USP18: variants seen among roughly 807,000 people sequenced by gnomAD.
USP18 encodes the protein ubl carboxyl-terminal hydrolase 18.
USP18 carries 11 observed loss-of-function variants against 48.7 expected under a neutral mutation model. The ratio of observed to expected loss-of-function variants is 0.23; its 90% CI spans 0.14 to 0.37. The LOEUF (loss-of-function observed/expected upper bound fraction) is 0.37, where lower values mean the gene tolerates loss of function less well. Ranked by LOEUF, USP18 falls within the 10% of genes least tolerant of loss-of-function variation. The pLI is 1.00. For missense variants in USP18, 285 were observed against 436.4 expected, an observed-to-expected ratio of 0.65 and a Z score of 3.09; for synonymous variants, 114 against 163.2, an observed-to-expected ratio of 0.70 and a Z score of 2.30.
chr22:18,173,063 G>T (rs1289666634), intron 8 of USP18, 87 bp from the exon 9 acceptor site: 24 of 1,595,128 alleles, frequency 1.5e-5, no homozygotes, highest in Non-Finnish European at 1.5e-5. Flanking sequence ...AAGTCCCAGA[G>T]TCGGGCCTAG....
chr22:18,172,157 A>G (rs1458388657), intron 8 of USP18, among the ~76,000 whole-genome samples: 1 of 152,216 alleles, frequency 6.6e-6, no homozygotes, highest in East Asian at 1.9e-4. Context: ...CAAAGTGTGT[A>G]GTGAAGGAAG....
chr22:18,165,886 A>G (rs968242037), intron 4 of USP18, among the ~76,000 whole-genome samples: 5 of 151,066 alleles, frequency 3.3e-5, no homozygotes, highest in East Asian at 2.0e-4. Flanking sequence ...GAAAACCGCC[A>G]TTGCTCACTC....
intron 4 of USP18, among the ~76,000 whole-genome samples, chr22:18,163,486 A>G (rs1427479847): frequency 3.9e-5 from 6 of 152,016 alleles, no homozygotes; most frequent in Admixed American, 3.9e-4. Flanking sequence ...TACTAAAAAT[A>G]CAAAAAATTA....
rs759962659 is a variant in USP18, at chr22:18,157,831, C to T, written c.157+11C>T. The T allele has an allele frequency of 1.2e-5, 20 of 1,613,730 alleles. No homozygotes were observed. The highest frequency in any genetic ancestry group is 5.5e-5 in the South Asian group (5 of 91,040). On this transcript the variant is annotated intron_variant, in intron 2 of 10. Coordinates refer to ENST00000215794, the MANE Select transcript of USP18 (RefSeq NM_017414.4). ...GGGACTACCCTCATGGTCATTAGACCCCTCCCGTTTTCCTCTTCTTGACTG... is the reference window on the plus strand; with the variant it reads ...GGGACTACCCTCATGGTCATTAGACTCCTCCCGTTTTCCTCTTCTTGACTG...
chr22:18,168,744 A>G (rs1177386511), intron 6 of USP18, among the ~76,000 whole-genome samples: 2 of 151,994 alleles, frequency 1.3e-5, no homozygotes, highest in Non-Finnish European at 2.9e-5. Context: ...TTCAGTTTCA[A>G]CCTGGGTTTT....
chr22:18,172,000 G>C (rs924317877), intron 8 of USP18, among the ~76,000 whole-genome samples: 12 of 152,146 alleles, frequency 7.9e-5, no homozygotes, highest in African/African-American at 2.4e-4. Flanking sequence ...ACTGGATGCA[G>C]TGGGTCACGC....
At chr22:18,160,405 A>G in intron 3 of USP18, 137 bp downstream of exon 3, 1 of 978,228 alleles carries the variant, frequency 1.0e-6, no homozygotes, top group South Asian at 1.5e-5. Flanking sequence ...TCCCGGGTTC[A>G]AGCGATTCTC....
intron 3 of USP18, among the ~76,000 whole-genome samples, chr22:18,160,582 G>A (rs1463017361): frequency 6.6e-6 from 1 of 152,044 alleles, no homozygotes; most frequent in Non-Finnish European, 1.5e-5. Context: ...AATTATAGGC[G>A]TAAGCCACTG....
At chr22:18,153,992 T>A (rs772864370) in intron 1 of USP18, among the ~76,000 whole-genome samples, 6 of 151,842 alleles carry the variant, frequency 4.0e-5, no homozygotes, top group African/African-American at 7.3e-5. Flanking sequence ...TGATTCCGTA[T>A]CTCGGGTATT....
intron 4 of USP18, among the ~76,000 whole-genome samples, chr22:18,165,537 C>T (rs1487500001): frequency 7.8e-6 from 1 of 127,730 alleles, no homozygotes; most frequent in African/African-American, 3.0e-5. Flanking sequence ...TTCCTGTTAG[C>T]CCTTTAGAAA....
In USP18 at chr22:18,157,573, T is replaced by G; in HGVS notation, c.-91T>G. The G allele has an allele frequency of 6.5e-7, 1 of 1,539,336 alleles. No homozygotes were observed. The highest frequency in any genetic ancestry group is 2.3e-5 in the East Asian group (1 of 44,210). Reference sequence around the variant, plus strand: ...ATTTTCACAGAGATTCCATCGTGCCTGGCTCACATAAGCGCTTCCTGGAAG... The same window carrying G: ...ATTTTCACAGAGATTCCATCGTGCCGGGCTCACATAAGCGCTTCCTGGAAG... On this transcript the variant is annotated 5_prime_UTR_variant, in exon 2 of 11. Transcript: ENST00000215794.
In USP18 at chr22:18,167,960, A is replaced by G. The variant is rs1929524953; in HGVS notation, c.551A>G (p.Glu184Gly). ...DSLICVDCAM[E>G]SSRNSSMLTL... ...TTGATTTGCGTTGACTGTGCCATGGAGAGTAGCAGAAACAGCAGCATGCTC... is the reference window on the plus strand; with the variant it reads ...TTGATTTGCGTTGACTGTGCCATGGGGAGTAGCAGAAACAGCAGCATGCTC... Residue 184 changes from glutamate to glycine, a missense_variant, in exon 6 of 11, where the codon GAG becomes GGG. Glu to Gly is a moderately conservative substitution (Grantham distance 98). This residue lies in a region of USP18 where 199 missense variants were observed against 239.6 expected (regional missense o/e 0.83). Coordinates refer to ENST00000215794, the MANE Select transcript of USP18 (RefSeq NM_017414.4). The G allele has an allele frequency of 6.2e-7, 1 of 1,613,896 alleles. No homozygotes were observed. The highest frequency in any genetic ancestry group is 1.7e-5 in the Admixed American group (1 of 60,000).
At chr22:18,173,928 T>G in intron 10 of USP18, 86 bp downstream of exon 10, 1 of 1,501,780 alleles carries the variant, frequency 6.7e-7, no homozygotes, top group East Asian at 2.4e-5. Flanking sequence ...ATTCCCCTGT[T>G]ACTAACATGC....
rs769160740 is a variant in USP18 at position 18,157,793 on chromosome 22, C to A, written c.130C>A (p.Arg44Ser). 2.5e-6 allele frequency: 4 copies of A among 1,613,980 alleles called. No homozygotes were observed. Among genetic ancestry groups the A allele is most frequent in the Admixed American group, 1.7e-5 (1 of 59,994 alleles). ...CATGAAGAGAGAGCAGCCCAGAGAG[C>A]GTCCCAGGGCCTGGGACTACCCTCA... is the stretch of plus-strand genomic sequence containing the variant. ...SNMKREQPRE[R>S]PRAWDYPHGL... The change falls in exon 2 of 11, where the codon CGT becomes AGT. Residue 44 changes from arginine (R) to serine (S), a missense_variant. Arg to Ser is a moderately radical substitution (Grantham distance 110). Transcript: ENST00000215794.
At chr22:18,167,749 T>C in intron 5 of USP18, 141 bp from the exon 6 acceptor site, 1 of 800,586 alleles carries the variant, frequency 1.2e-6, no homozygotes, top group Non-Finnish European at 1.9e-6. Flanking sequence ...AAAACACTTA[T>C]CACAGTTTCA....
chr22:18,160,262 T>C lies in USP18; in HGVS notation c.248T>C (p.Leu83Ser). Residue 83 changes from leucine (L) to serine (S), a missense_variant, in exon 3 of 11, where the codon TTG (leucine) becomes TCG (serine). By Grantham distance (145) the Leu-to-Ser change is moderately radical (BLOSUM62 -2). Transcript: ENST00000215794. ...FVMNVDFTRILKRITVPRGAD... is the reference protein window; with the variant it reads ...FVMNVDFTRISKRITVPRGAD... ...ATGAATGTGGACTTCACCAGGATAT[T>C]GAAGAGGTAAGACTGTTCTTCAGGC... 6.2e-7 allele frequency: 1 copy of C among 1,614,078 alleles called. No individual in the cohort carries two copies. The highest frequency in any genetic ancestry group is 1.1e-5 in the South Asian group (1 of 91,080).
chr22:18,154,091 T>C (rs1469129885), intron 1 of USP18, among the ~76,000 whole-genome samples: 2 of 150,648 alleles, frequency 1.3e-5, no homozygotes, highest in Non-Finnish European at 2.9e-5. Flanking sequence ...AGCAGTGGCA[T>C]TACTAGATCA....
chr22:18,174,194 C>T (rs573727457), intron 10 of USP18, among the ~76,000 whole-genome samples: 2 of 151,734 alleles, frequency 1.3e-5, no homozygotes, highest in Non-Finnish European at 1.5e-5. Flanking sequence ...CACCCAGATT[C>T]GTAGGGGCTT....
At chr22:18,169,569 C>T (rs1436954795) in intron 6 of USP18, among the ~76,000 whole-genome samples, 1 of 152,092 alleles carries the variant, frequency 6.6e-6, no homozygotes, top group Non-Finnish European at 1.5e-5. Flanking sequence ...GTCTCTTGCA[C>T]CTGCTCCTCC....
Sources: gnomAD v4.1 joint callset for allele counts (sites outside exome capture counted in the v4.1 genomes callset) on GRCh38, gnomAD v4.1.1 for gene constraint, gnomAD v4.1.1 regional missense constraint, MANE v1.5 for transcripts, NCBI Gene and HGNC (gene_info 2026-07-23, HGNC 2026-07-21) for gene names.